Variants in SNAPC4 observed in about 807,000 individuals in gnomAD.
SNAPC4 encodes snRNA-activating protein complex subunit 4.
SNAPC4 carries 127 observed loss-of-function variants against 151.3 expected under a neutral mutation model. The observed-to-expected ratio is 0.84, with a 90% confidence interval of 0.73 to 0.97. The LOEUF is 0.97. Ranked by LOEUF, SNAPC4 falls within the 50% of genes least tolerant of loss-of-function variation. SNAPC4 has a pLI of 0.00. For missense variants in SNAPC4, 2,186 were observed against 1,935.0 expected, an observed-to-expected ratio of 1.13 and a Z score of -2.43; for synonymous variants, 1,002 against 824.4, an observed-to-expected ratio of 1.22 and a Z score of -3.69.
At chr9:136,392,925 G>C in intron 7 of SNAPC4, 148 bp from the exon 8 acceptor site, 1 of 677,058 alleles carries the variant, frequency 1.5e-6, no homozygotes, top group South Asian at 1.8e-5. Context: ...TCACCCATGA[G>C]GGAAGCTGTA....
chr9:136,376,168 G>GA (rs981049901), intron 23 of SNAPC4, among the ~76,000 whole-genome samples, 181 bp downstream of exon 23: 51 of 152,200 alleles, frequency 3.4e-4, no homozygotes, highest in African/African-American at 1.1e-3. Flanking sequence ...TGGCCAGCAG[G>GA]AAGGATGTGG....
At chr9:136,397,090 C>A in intron 2 of SNAPC4, 67 bp from the exon 3 acceptor site, 2 of 1,383,830 alleles carry the variant, frequency 1.4e-6, no homozygotes, top group Non-Finnish European at 2.1e-6. Context: ...GCGCAGCTCA[C>A]CACTGCTTCT....
Position 136,377,617 on chromosome 9 carries a change from C to G in SNAPC4, c.4210G>C (p.Asp1404His). 1 of 1,566,692 alleles carries G rather than the reference C, an allele frequency of 6.4e-7. No individual in the cohort carries two copies. The highest frequency in any genetic ancestry group is 8.7e-7 in the Non-Finnish European group (1 of 1,154,594). The part of the protein sequence containing the change: ...SRVGSESEDE[D>H]LLSELELADR... ...GCAAGTTCCAGCTCACTCAGGAGGT[C>G]TTCATCCTCACTCTCAGAGCCCACC... is the stretch of plus-strand genomic sequence containing the variant. Residue 1404 changes from aspartate to histidine, a missense_variant, in exon 22 of 24, where the codon GAC (aspartate) becomes CAC (histidine). Physicochemically the swap from Asp to His is moderately conservative, Grantham distance 81. Transcript: ENST00000684778.
chr9:136,399,259 T>C (rs1436722421), intron 1 of SNAPC4, among the ~76,000 whole-genome samples: 2 of 152,214 alleles, frequency 1.3e-5, no homozygotes, highest in African/African-American at 4.8e-5. Context: ...ACTGGGGCCC[T>C]GCCCAACTGG....
chr9:136,386,331 G>A (rs1300295593), intron 13 of SNAPC4, among the ~76,000 whole-genome samples: 1 of 151,962 alleles, frequency 6.6e-6, no homozygotes, highest in African/African-American at 2.4e-5. Flanking sequence ...TCGTTGAATG[G>A]CTTTTTCGGG....
chr9:136,387,823 G>C lies in SNAPC4; in HGVS notation c.1149C>G (p.Asp383Glu). 1 of 1,609,680 alleles carries C rather than the reference G, an allele frequency of 6.2e-7. No homozygotes were observed. Among genetic ancestry groups the C allele is most frequent in the Non-Finnish European group, 8.5e-7 (1 of 1,176,050 alleles). The change falls in exon 12 of 24, where the codon GAC becomes GAG. Residue 383 changes from aspartate to glutamate, a missense_variant. Transcript: ENST00000684778. ...TCCATCGGTAGATCAGCTGCATGGAGTCTCTCCCTTCCATATAGTAGACAA... is the reference window on the plus strand; with the variant it reads ...TCCATCGGTAGATCAGCTGCATGGACTCTCTCCCTTCCATATAGTAGACAA... ...RRIVYYMEGR[D>E]SMQLIYRWTK...
rs145985019 is a variant in SNAPC4, at chr9:136,377,627, A to T, written c.4200T>A (p.Ser1400Arg). The T allele has an allele frequency of 2.5e-6, 4 of 1,573,434 alleles. No homozygotes were observed. Among genetic ancestry groups the T allele is most frequent in the African/African-American group, 2.7e-5 (2 of 73,450 alleles). The change falls in exon 22 of 24, where the codon AGT (serine) becomes AGA (arginine). Residue 1400 changes from serine (S) to arginine (R), a missense_variant. Ser to Arg is a moderately radical substitution (Grantham distance 110). Transcript: ENST00000684778. ...GCTCACTCAGGAGGTCTTCATCCTC[A>T]CTCTCAGAGCCCACCCTCGAAGGTA... Reference protein sequence around the residue: ...LSVPSRVGSESEDEDLLSELE... With the variant: ...LSVPSRVGSEREDEDLLSELE...
intron 2 of SNAPC4, among the ~76,000 whole-genome samples, 180 bp from the exon 3 acceptor site, chr9:136,397,203 C>T (rs957677560): frequency 5.3e-5 from 8 of 152,102 alleles, no homozygotes; most frequent in Non-Finnish European, 1.0e-4. Context: ...GGACCAAGGC[C>T]GGGTTAGCCA....
Position 136,382,342 on chromosome 9 carries a change from G to A in SNAPC4, c.1984-6C>T. ...GTCAGCAGACGCCTCCCACCCTGAT[G>A]AGAAAGCTGCCTGAGGCGAGGCACG... On this transcript the variant is annotated splice_polypyrimidine_tract_variant and splice_region_variant and intron_variant, in intron 16 of 23. Coordinates refer to ENST00000684778, the MANE Select transcript of SNAPC4 (RefSeq NM_003086.4). 6.2e-7 allele frequency: 1 copy of A among 1,612,912 alleles called. No homozygotes were observed. Among genetic ancestry groups the A allele is most frequent in the Admixed American group, 1.7e-5 (1 of 60,008 alleles).
chr9:136,394,754 G>C (rs753406813), intron 6 of SNAPC4, 46 bp downstream of exon 6: 1 of 1,535,538 alleles, frequency 6.5e-7, no homozygotes, highest in South Asian at 1.1e-5. Context: ...GCCATGGGGA[G>C]GTGTCCCAAG....
At chr9:136,388,126 G>A (rs972573540) in intron 11 of SNAPC4, among the ~76,000 whole-genome samples, 2 of 152,130 alleles carry the variant, frequency 1.3e-5, no homozygotes. Flanking sequence ...AATTAGCTGG[G>A]CGTGGTGGCG....
In SNAPC4 at chr9:136,387,247, G is replaced by A. The variant is rs541198241; in HGVS notation, c.1325+238C>T. 2.9e-3 allele frequency among the ~76,000 whole-genome samples: 441 copies of A among 152,328 alleles called. 1 individual carries two copies. Among genetic ancestry groups the A allele is most frequent in the African/African-American group, 0.01 (422 of 41,570 alleles). ...GAGCTGTCTCAAGTGGAGCCCATGC[G>A]TTGCTCCGGCAGACAGCAATACAGA... On this transcript the variant is annotated intron_variant, in intron 13 of 23. Coordinates refer to ENST00000684778, the MANE Select transcript of SNAPC4 (RefSeq NM_003086.4).
At position 136,395,780 on chromosome 9, in the gene SNAPC4, A is replaced by G. The variant is rs769853414; in HGVS notation, c.178-10T>C. The G allele has an allele frequency of 3.1e-6, 5 of 1,607,444 alleles. No individual in the cohort carries two copies. In the African/African-American group the frequency reaches 5.3e-5, roughly 17 times the overall value. On this transcript the variant is annotated splice_polypyrimidine_tract_variant and intron_variant, in intron 3 of 23. Coordinates refer to ENST00000684778, the MANE Select transcript of SNAPC4 (RefSeq NM_003086.4). Reference sequence around the variant, plus strand: ...CCCACCTTTCTTCTTCCTGGTAACGAGCCAGAAATGGCATGTGACGAGATG... The same window carrying G: ...CCCACCTTTCTTCTTCCTGGTAACGGGCCAGAAATGGCATGTGACGAGATG...
rs1833791824 is a variant in SNAPC4 at position 136,383,702 on chromosome 9, G to A, written c.1501-34C>T. On this transcript the variant is annotated intron_variant, in intron 15 of 23. Transcript: ENST00000684778. The surrounding 1 kb of genome is among the most constrained non-coding windows in gnomAD (Gnocchi z 4.2). ...AGGAAAGAGCTACTTAGAGGCCTTG[G>A]CAAGCCCGGTTCACCCATGATGGCA... The A allele has an allele frequency of 6.4e-7, 1 of 1,571,394 alleles. No individual in the cohort carries two copies. The highest frequency in any genetic ancestry group is 1.3e-5 in the African/African-American group (1 of 74,404).
At chr9:136,390,904 C>T (rs886947731) in intron 10 of SNAPC4, among the ~76,000 whole-genome samples, 21 of 151,666 alleles carry the variant, frequency 1.4e-4, no homozygotes, top group South Asian at 2.1e-4. Context: ...GCGCGACGTC[C>T]GCTCACCGCA....
At chr9:136,376,884 C>T (rs537880067) in intron 22 of SNAPC4, among the ~76,000 whole-genome samples, 1 of 152,312 alleles carries the variant, frequency 6.6e-6, no homozygotes, top group East Asian at 1.9e-4. Context: ...AGATGGAAGG[C>T]CCTCTGCCAC....
In SNAPC4 at chr9:136,396,989, A is replaced by G. The variant is rs1834295803; in HGVS notation, c.165T>C (p.Asp55=). The change falls in exon 3 of 24, where the codon GAT becomes GAC. Residue 55 remains aspartate (D), a synonymous_variant. Coordinates refer to ENST00000684778, the MANE Select transcript of SNAPC4 (RefSeq NM_003086.4). ...SLPSEDLDPA[D]PPISEEERWG... is the part of the protein sequence containing the mutation. ...GGCCAACAGTTACCGAGATCGGGGG[A>G]TCGGCAGGATCCAAGTCCTCAGAAG... 4.3e-6 allele frequency: 7 copies of G among 1,612,832 alleles called. No individual in the cohort carries two copies. The highest frequency in any genetic ancestry group is 5.9e-6 in the Non-Finnish European group (7 of 1,179,900).
chr9:136,399,399 C>G (rs11145890), intron 1 of SNAPC4, among the ~76,000 whole-genome samples: 34,799 of 152,118 alleles, frequency 0.23, 4,153 homozygotes, highest in Admixed American at 0.28. Flanking sequence ...TAACAGCCGG[C>G]CAGAGGCAGA....
intron 10 of SNAPC4, among the ~76,000 whole-genome samples, chr9:136,390,471 C>T (rs1350959023): frequency 7.5e-6 from 1 of 133,660 alleles, no homozygotes; most frequent in Non-Finnish European, 1.5e-5. Flanking sequence ...AGGAGAATGG[C>T]GTGAACCCGG....
Sources: allele counts gnomAD v4.1 joint callset (sites outside exome capture counted in the v4.1 genomes callset), GRCh38; gene constraint gnomAD v4.1.1; non-coding constraint Gnocchi (gnomAD v3.1); transcripts MANE v1.5; gene names NCBI Gene and HGNC (gene_info 2026-07-23, HGNC 2026-07-21).